Variants in FRMPD4 observed in about 807,000 individuals in gnomAD.
FRMPD4 encodes FERM and PDZ domain-containing protein 4.
Under a neutral mutation model 94.1 loss-of-function variants are expected in FRMPD4, and 22 were observed. The observed-to-expected ratio is 0.23, with a 90% CI of 0.17 to 0.33. The LOEUF (loss-of-function observed/expected upper bound fraction) is 0.33. Among genes scored for constraint, FRMPD4 ranks in the 10% least tolerant of loss-of-function variants. The pLI is 1.00. For synonymous variants in FRMPD4, 631 were observed against 548.6 expected, an observed-to-expected ratio of 1.15 and a Z score of -2.10; for missense variants, 1,111 against 1,339.9, an observed-to-expected ratio of 0.83 and a Z score of 2.67.
chrX:12,380,666 G>C (rs907768685), intron 1 of FRMPD4, among the ~76,000 whole-genome samples: 2 of 112,265 alleles, frequency 1.8e-5, no homozygotes, highest in African/African-American at 3.2e-5. Flanking sequence ...ACCTTGCGTT[G>C]CCTGTTAAAA....
intron 3 of FRMPD4, among the ~76,000 whole-genome samples, chrX:11,919,572 T>C (rs968469804): frequency 9.0e-6 from 1 of 110,680 alleles, no homozygotes; most frequent in Non-Finnish European, 1.9e-5. Flanking sequence ...TCTTGGTGGT[T>C]ATCATTGGAG....
intron 1 of FRMPD4, among the ~76,000 whole-genome samples, chrX:12,461,260 A>G (rs770217018): frequency 1.8e-5 from 2 of 112,059 alleles, no homozygotes; most frequent in East Asian, 5.6e-4. Context: ...TGTGTGATAC[A>G]TGCATGTAAC....
intron 3 of FRMPD4, among the ~76,000 whole-genome samples, chrX:12,045,070 GAA>G: frequency 8.9e-6 from 1 of 112,003 alleles, no homozygotes; most frequent in Non-Finnish European, 1.9e-5. Context: ...AAAGGAATAA[GAA>G]TATTTATTGA....
At chrX:12,662,181 AT>A (rs963086486) in intron 4 of FRMPD4, among the ~76,000 whole-genome samples, 175 of 104,785 alleles carry the variant, frequency 1.7e-3, no homozygotes, top group Non-Finnish European at 2.6e-3. Flanking sequence ...GAAAACAATT[AT>A]TTTTTTTTTT....
intron 1 of FRMPD4, among the ~76,000 whole-genome samples, chrX:11,858,014 A>G (rs1367236738): frequency 8.9e-6 from 1 of 111,970 alleles, no homozygotes; most frequent in African/African-American, 3.2e-5. Context: ...ATACCATCTC[A>G]CACCAGTAAG....
At chrX:12,034,918 A>G (rs1343288272) in intron 3 of FRMPD4, among the ~76,000 whole-genome samples, 2 of 111,954 alleles carry the variant, frequency 1.8e-5, no homozygotes, top group Non-Finnish European at 3.8e-5. Flanking sequence ...GCATCACTGT[A>G]AAAGGTATGC....
intron 1 of FRMPD4, among the ~76,000 whole-genome samples, chrX:12,342,196 C>G (rs2055625763): frequency 8.9e-6 from 1 of 111,908 alleles, no homozygotes; most frequent in South Asian, 3.7e-4. Flanking sequence ...AATAAAATAA[C>G]AGTTGTCTCT....
At chrX:12,019,581 A>G (rs1329908270) in intron 3 of FRMPD4, among the ~76,000 whole-genome samples, 1 of 110,810 alleles carries the variant, frequency 9.0e-6, no homozygotes, top group Non-Finnish European at 1.9e-5. Flanking sequence ...TGCTTCTACA[A>G]CCTGGACCCT....
chrX:12,048,793 G>A (rs372294829), intron 3 of FRMPD4, among the ~76,000 whole-genome samples: 2 of 111,236 alleles, frequency 1.8e-5, no homozygotes, highest in East Asian at 2.8e-4. Flanking sequence ...ATCAGATGGC[G>A]GTAGGTGTGT....
intron 1 of FRMPD4, among the ~76,000 whole-genome samples, chrX:12,336,693 CTT>C (rs1339870730): frequency 9.0e-6 from 1 of 111,284 alleles, no homozygotes; most frequent in Non-Finnish European, 1.9e-5. Context: ...CTATTATGGA[CTT>C]TTAAAAACTA....
intron 3 of FRMPD4, among the ~76,000 whole-genome samples, chrX:12,027,668 A>C (rs1034608052): frequency 8.9e-6 from 1 of 112,451 alleles, no homozygotes; most frequent in Non-Finnish European, 1.9e-5. Context: ...ATTGGACTTC[A>C]TAATGCAGTT....
chrX:11,873,730 A>G (rs1393866851), intron 2 of FRMPD4, among the ~76,000 whole-genome samples: 2 of 110,536 alleles, frequency 1.8e-5, no homozygotes, highest in Non-Finnish European at 3.8e-5. Flanking sequence ...AAAAAAGAAG[A>G]AATTAACAAG....
intron 1 of FRMPD4, among the ~76,000 whole-genome samples, chrX:12,469,879 G>A (rs1326141926): frequency 8.9e-6 from 1 of 112,546 alleles, no homozygotes; most frequent in Non-Finnish European, 1.9e-5. Flanking sequence ...CTGTTATTGA[G>A]AGACTATTCT....
intron 1 of FRMPD4, among the ~76,000 whole-genome samples, chrX:12,435,099 T>G (rs2057050199): frequency 9.0e-6 from 1 of 111,704 alleles, no homozygotes; most frequent in Non-Finnish European, 1.9e-5. Flanking sequence ...AATGTGTGGT[T>G]CTTCATCTGT....
intron 3 of FRMPD4, among the ~76,000 whole-genome samples, chrX:12,103,974 G>T (rs569767891): frequency 7.1e-5 from 8 of 111,973 alleles, no homozygotes; most frequent in African/African-American, 2.6e-4. Flanking sequence ...TATTTCTCAT[G>T]GTTCTGGAAC....
intron 4 of FRMPD4, among the ~76,000 whole-genome samples, chrX:12,644,875 G>A (rs976431212): frequency 8.9e-6 from 1 of 112,001 alleles, no homozygotes; most frequent in African/African-American, 3.2e-5. Flanking sequence ...CATTTACCTG[G>A]AGAAACTGCA....
At chrX:11,849,871 A>G (rs1199480102) in intron 1 of FRMPD4, among the ~76,000 whole-genome samples, 1 of 111,644 alleles carries the variant, frequency 9.0e-6, no homozygotes, top group Non-Finnish European at 1.9e-5. Context: ...GGATTTGGCA[A>G]TGATTTCTTG....
chrX:11,995,012 G>T (rs1382638061), intron 3 of FRMPD4, among the ~76,000 whole-genome samples: 1 of 111,310 alleles, frequency 9.0e-6, no homozygotes, highest in Non-Finnish European at 1.9e-5. Context: ...CTTTTTTCCT[G>T]GTTACTTTTC....
In FRMPD4 at chrX:12,465,197, T is replaced by C. The variant is rs773230116; in HGVS notation, c.42-33483T>C. Reference sequence around the variant, plus strand: ...ACAACACTGTCCTGTACTCAAACTTTCCTTCTAAGGCAGGAGCCCTGTCTA... The same window carrying C: ...ACAACACTGTCCTGTACTCAAACTTCCCTTCTAAGGCAGGAGCCCTGTCTA... On this transcript the variant is annotated intron_variant, in intron 1 of 16. Coordinates refer to ENST00000675598, the MANE Select transcript of FRMPD4 (RefSeq NM_001368397.1). Among the ~76,000 whole-genome samples the C allele has an allele frequency of 8.0e-5, 9 of 112,025 alleles. No homozygotes were observed. In the East Asian group the frequency reaches 2.2e-3, roughly 28 times the overall value.
Sources: allele counts gnomAD v4.1 joint callset (sites outside exome capture counted in the v4.1 genomes callset), GRCh38; gene constraint gnomAD v4.1.1; transcripts MANE v1.5; gene names NCBI Gene and HGNC (gene_info 2026-07-23, HGNC 2026-07-21).